Variants in OTUD7A observed in about 807,000 individuals in gnomAD.
OTUD7A encodes the protein OTU domain-containing protein 7A.
In OTUD7A, 12 loss-of-function variants were observed where a neutral mutation model predicts 65.7. That is an observed-to-expected ratio of 0.18 (90% CI 0.12 to 0.30). The LOEUF (loss-of-function observed/expected upper bound fraction) is 0.30. OTUD7A is among the 10% of genes least tolerant of loss of function. The pLI, the probability that OTUD7A is intolerant of heterozygous loss-of-function variation, is 1.00. For synonymous variants in OTUD7A, 641 were observed against 586.3 expected (o/e 1.09, Z -1.35); for missense variants, 1,148 against 1,304.8 (o/e 0.88, Z 1.85).
At chr15:31,549,636 G>C (rs1888253360) in intron 5 of OTUD7A, among the ~76,000 whole-genome samples, 1 of 152,168 alleles carries the variant, frequency 6.6e-6, no homozygotes, top group Admixed American at 6.5e-5. Flanking sequence ...AGGAAAGTCA[G>C]AGAGATTTAC....
At chr15:31,734,994 T>C (rs182216097) in intron 1 of OTUD7A, among the ~76,000 whole-genome samples, 291 of 152,150 alleles carry the variant, frequency 1.9e-3, no homozygotes, top group African/African-American at 6.5e-3. Flanking sequence ...TTCGGCAAAC[T>C]GTGCATCTAA....
chr15:31,773,430 C>T (rs575062485), intron 1 of OTUD7A, among the ~76,000 whole-genome samples: 1 of 152,306 alleles, frequency 6.6e-6, no homozygotes, highest in African/African-American at 2.4e-5. Context: ...GGTGCCTTCT[C>T]CCCATCCTCA....
chr15:31,815,442 C>G, intron 1 of OTUD7A, among the ~76,000 whole-genome samples: 1 of 152,226 alleles, frequency 6.6e-6, no homozygotes, highest in East Asian at 1.9e-4. Flanking sequence ...GGGTGATGTA[C>G]AATCATTCTG....
intron 5 of OTUD7A, among the ~76,000 whole-genome samples, chr15:31,548,616 G>C (rs558748568): frequency 6.6e-6 from 1 of 152,020 alleles, no homozygotes; most frequent in Non-Finnish European, 1.5e-5. Flanking sequence ...GCATGCAGCC[G>C]ATGTGAGATC....
intron 4 of OTUD7A, among the ~76,000 whole-genome samples, chr15:31,563,970 T>C (rs1184124787): frequency 3.3e-5 from 5 of 152,092 alleles, no homozygotes; most frequent in African/African-American, 1.2e-4. Flanking sequence ...TCAGGGAAAC[T>C]GTTAAAGAAA....
At position 31,484,288 on chromosome 15, in the gene OTUD7A, G is replaced by A. The variant is rs748527094; in HGVS notation, c.1808C>T (p.Ala603Val). ...KTTPSPTDKA[A>V]GASPAEKGGG... ...GCCCTTCTCCGCCGGCGACGCGCCC[G>A]CTGCCTTGTCTGTGGGCGACGGCGT... The change falls in exon 13 of 13, where the codon GCG (alanine) becomes GTG (valine). Residue 603 changes from alanine (A) to valine (V), a missense_variant. Transcript: ENST00000307050. This position sits in a 1 kb window ranked among gnomAD's most constrained non-coding sequence, Gnocchi z 4.5. 5.0e-6 allele frequency: 8 copies of A among 1,593,784 alleles called. No homozygotes were observed. The highest frequency in any genetic ancestry group is 2.2e-5 in the South Asian group (2 of 89,946).
At chr15:31,631,242 A>T (rs1172735033) in intron 3 of OTUD7A, among the ~76,000 whole-genome samples, 1 of 152,114 alleles carries the variant, frequency 6.6e-6, no homozygotes, top group East Asian at 1.9e-4. Context: ...GTTCCTTTCC[A>T]TGTTAAGTTC....
intron 2 of OTUD7A, among the ~76,000 whole-genome samples, chr15:31,655,846 G>T (rs186994752): frequency 4.6e-5 from 7 of 152,136 alleles, no homozygotes; most frequent in Non-Finnish European, 5.9e-5. Context: ...AATTCAGTTG[G>T]AGTTGCTAGA....
chr15:31,749,193 G>A (rs531617733), intron 1 of OTUD7A, among the ~76,000 whole-genome samples: 3 of 152,074 alleles, frequency 2.0e-5, no homozygotes, highest in South Asian at 4.2e-4. Context: ...GTTAAATGAC[G>A]AGTTAATGGG....
chr15:31,762,151 T>C (rs1481055525), intron 1 of OTUD7A, among the ~76,000 whole-genome samples: 1 of 152,216 alleles, frequency 6.6e-6, no homozygotes, highest in African/African-American at 2.4e-5. Flanking sequence ...GTGAATTATA[T>C]CTCAACCAAA....
intron 5 of OTUD7A, among the ~76,000 whole-genome samples, chr15:31,544,634 C>T (rs1383264616): frequency 6.6e-6 from 1 of 151,756 alleles, no homozygotes; most frequent in African/African-American, 2.4e-5. Context: ...CATCCACTAA[C>T]ACAGTTTCAA....
In OTUD7A at chr15:31,484,062, C is replaced by T; in HGVS notation, c.2034G>A (p.Gln678=). The T allele has an allele frequency of 6.7e-7, 1 of 1,485,818 alleles. No individual in the cohort carries two copies. The highest frequency in any genetic ancestry group is 8.9e-7 in the Non-Finnish European group (1 of 1,120,874). The allele number at this position is 1,485,818 out of a possible 1,614,324, so 92.0% of individuals were successfully genotyped here. Residue 678 remains glutamine (Q), a synonymous_variant, in exon 13 of 13, where the codon CAG becomes CAA. Coordinates refer to ENST00000307050, the MANE Select transcript of OTUD7A (RefSeq NM_001382637.1). The surrounding 1 kb of genome is among the most constrained non-coding windows in gnomAD (Gnocchi z 4.5). ...CCGCAGTAGCGGCGTCGCGGCGCCG[C>T]TGCTCCTGCTCGGCGCTGAAGCGCT... The part of the protein sequence containing the change: ...AQERFSAEQE[Q]RRRDAATAAA...
intron 3 of OTUD7A, among the ~76,000 whole-genome samples, chr15:31,586,376 T>C (rs932826522): frequency 4.6e-5 from 7 of 152,184 alleles, no homozygotes; most frequent in Admixed American, 2.6e-4. Context: ...GTGTGTTAGA[T>C]AGCAAGTCCT....
At chr15:31,683,936 T>C (rs886142168) in intron 1 of OTUD7A, among the ~76,000 whole-genome samples, 2 of 152,204 alleles carry the variant, frequency 1.3e-5, no homozygotes, top group African/African-American at 4.8e-5. Context: ...GAAAATTTAT[T>C]TGTCCACACT....
chr15:31,751,764 C>A (rs781243829), intron 1 of OTUD7A, among the ~76,000 whole-genome samples: 4 of 152,070 alleles, frequency 2.6e-5, no homozygotes, highest in Non-Finnish European at 4.4e-5. Flanking sequence ...CCTTTTCAAA[C>A]AACATAAGTG....
At chr15:31,735,422 G>T (rs950249096) in intron 1 of OTUD7A, among the ~76,000 whole-genome samples, 1 of 152,152 alleles carries the variant, frequency 6.6e-6, no homozygotes, top group Non-Finnish European at 1.5e-5. Flanking sequence ...CAGCTACTCG[G>T]GAGGCTGATG....
intron 3 of OTUD7A, among the ~76,000 whole-genome samples, chr15:31,604,835 CA>C (rs1220198473): frequency 6.6e-6 from 1 of 152,132 alleles, no homozygotes; most frequent in African/African-American, 2.4e-5. Context: ...GGGCTTGTGG[CA>C]AAGCTGTGCC....
At chr15:31,602,915 A>G (rs1325594887) in intron 3 of OTUD7A, among the ~76,000 whole-genome samples, 1 of 152,224 alleles carries the variant, frequency 6.6e-6, no homozygotes, top group Non-Finnish European at 1.5e-5. Flanking sequence ...AAGGAGAAGT[A>G]CAAACCACTG....
chr15:31,536,659 A>G (rs897786553), intron 5 of OTUD7A, among the ~76,000 whole-genome samples: 2 of 151,538 alleles, frequency 1.3e-5, no homozygotes, highest in African/African-American at 4.9e-5. Flanking sequence ...CTATTCAGCT[A>G]TTAACAAGAA....
Sources: gnomAD v4.1 joint callset for allele counts (sites outside exome capture counted in the v4.1 genomes callset) on GRCh38, gnomAD v4.1.1 for gene constraint, Gnocchi (gnomAD v3.1) non-coding constraint, MANE v1.5 for transcripts, NCBI Gene and HGNC (gene_info 2026-07-23, HGNC 2026-07-21) for gene names.